Variants in DPH5 observed in about 807,000 individuals in gnomAD.
DPH5 encodes the protein diphthamide biosynthesis 5.
A neutral mutation model predicts 31.6 loss-of-function variants in DPH5; 31 were observed. The ratio of observed to expected loss-of-function variants is 0.98; its 90% CI spans 0.74 to 1.32. The LOEUF (loss-of-function observed/expected upper bound fraction) is 1.32. DPH5 is among the 40% of genes most tolerant of loss of function. DPH5 has a pLI of 0.00. For missense variants in DPH5, 309 were observed against 335.7 expected, an observed-to-expected ratio of 0.92 and a Z score of 0.62; for synonymous variants, 120 against 115.0, an observed-to-expected ratio of 1.04 and a Z score of -0.28.
intron 3 of DPH5, among the ~76,000 whole-genome samples, chr1:101,016,090 C>T (rs1003801845): frequency 3.3e-5 from 5 of 152,166 alleles, no homozygotes; most frequent in African/African-American, 9.6e-5. Flanking sequence ...TGCAGTGGCT[C>T]ACATCTGTAA....
intron 3 of DPH5, 130 bp downstream of exon 3, chr1:101,021,511 G>C: frequency 1.2e-6 from 1 of 828,730 alleles, no homozygotes; most frequent in Non-Finnish European, 1.8e-6. Flanking sequence ...TGACATTTTA[G>C]ATAGCGCTTA....
chr1:100,990,823 AAG>A (rs1344762746), intron 7 of DPH5, among the ~76,000 whole-genome samples, 192 bp from the exon 8 acceptor site: 1 of 152,256 alleles, frequency 6.6e-6, no homozygotes, highest in African/African-American at 2.4e-5. Flanking sequence ...CCTAATATAA[AAG>A]AGTACTTCCA....
At chr1:101,001,339 G>T (rs182828175) in intron 5 of DPH5, 128 bp downstream of exon 5, 25 of 846,440 alleles carry the variant, frequency 3.0e-5, no homozygotes, top group Non-Finnish European at 2.7e-5. Context: ...AGTGTGGTCT[G>T]CATAGAATGG....
At chr1:101,000,379 A>G (rs1658763863) in intron 5 of DPH5, among the ~76,000 whole-genome samples, 2 of 152,236 alleles carry the variant, frequency 1.3e-5, no homozygotes, top group Admixed American at 1.3e-4. Context: ...TGAAGTAACT[A>G]CAGGAGTAAG....
chr1:101,013,965 G>T, intron 3 of DPH5, 147 bp from the exon 4 acceptor site: 1 of 562,220 alleles, frequency 1.8e-6, no homozygotes, highest in Non-Finnish European at 3.0e-6. Context: ...GCTTTCATCT[G>T]AGCTTTTTAG....
chr1:101,021,585 T>C, intron 3 of DPH5, 56 bp downstream of exon 3: 1 of 1,558,190 alleles, frequency 6.4e-7, no homozygotes, highest in Non-Finnish European at 8.7e-7. Context: ...GAATAATTCT[T>C]ACTGATTAAA....
At chr1:100,999,131 G>T (rs1465179502) in intron 5 of DPH5, among the ~76,000 whole-genome samples, 2 of 152,216 alleles carry the variant, frequency 1.3e-5, no homozygotes, top group Non-Finnish European at 2.9e-5. Flanking sequence ...CCAATCATTA[G>T]TAAAAATGTA....
chr1:100,993,959 G>T (rs1396524095), intron 6 of DPH5, among the ~76,000 whole-genome samples: 1 of 151,830 alleles, frequency 6.6e-6, no homozygotes, highest in Non-Finnish European at 1.5e-5. Flanking sequence ...GGCCAGGCTG[G>T]TCTCGAACTG....
At chr1:100,992,075 G>A (rs547652472) in intron 7 of DPH5, among the ~76,000 whole-genome samples, 6 of 150,894 alleles carry the variant, frequency 4.0e-5, no homozygotes, top group Admixed American at 6.6e-5. Flanking sequence ...TCCAGCCTGC[G>A]TGACAAAGTG....
chr1:101,021,016 A>C (rs1234521917), intron 3 of DPH5, among the ~76,000 whole-genome samples: 1 of 152,192 alleles, frequency 6.6e-6, no homozygotes, highest in Admixed American at 6.5e-5. Context: ...AATCTGTGAT[A>C]TAAATCTTAG....
chr1:101,012,099 C>G (rs1421673926), intron 4 of DPH5, among the ~76,000 whole-genome samples: 1 of 151,852 alleles, frequency 6.6e-6, no homozygotes, highest in Admixed American at 6.6e-5. Flanking sequence ...CGGGGTTTCA[C>G]CATGTTGGCC....
chr1:101,023,636 T>C (rs574722226), intron 2 of DPH5, among the ~76,000 whole-genome samples: 4 of 152,228 alleles, frequency 2.6e-5, no homozygotes, highest in Non-Finnish European at 5.9e-5. Context: ...CACTTTCATA[T>C]ACATCATCTC....
Position 100,990,517 on chromosome 1 carries a change from T to C in DPH5, c.749A>G (p.His250Arg). 1 of 1,614,180 alleles carries C rather than the reference T, an allele frequency of 6.2e-7. No individual in the cohort carries two copies. Among genetic ancestry groups the C allele is most frequent in the Non-Finnish European group, 8.5e-7 (1 of 1,180,018 alleles). ...MCTVDLGEPL[H>R]SLIITGGSIH... ...GCTGCCTCCTGTGATGATCAAGGAATGCAATGGTTCTCCCAAGTCCACAGT... is the reference window on the plus strand; with the variant it reads ...GCTGCCTCCTGTGATGATCAAGGAACGCAATGGTTCTCCCAAGTCCACAGT... The change falls in exon 8 of 8, where the codon CAT (histidine) becomes CGT (arginine). Residue 250 changes from histidine (H) to arginine (R), a missense_variant. Physicochemically the swap from His to Arg is conservative, Grantham distance 29. Coordinates refer to ENST00000370109, the MANE Select transcript of DPH5 (RefSeq NM_015958.3).
At position 100,990,137 on chromosome 1, in the gene DPH5, C is replaced by T. The variant is rs372091015; in HGVS notation, c.*271G>A. ...AAGGCCTCAGGAAACTTAACAATCA[C>T]GGTGGAAGGCACCTCTTCACAGGGC... On this transcript the variant is annotated 3_prime_UTR_variant, in exon 8 of 8. Coordinates refer to ENST00000370109, the MANE Select transcript of DPH5 (RefSeq NM_015958.3). The T allele has an allele frequency of 9.7e-5, 41 of 421,246 alleles. No individual in the cohort carries two copies. The highest frequency in any genetic ancestry group is 5.4e-4 in the African/African-American group (27 of 49,736). The allele number at this position is 421,246 out of a possible 1,614,324, so 26.1% of individuals were successfully genotyped here. A position where few individuals can be genotyped will look rare whatever the true frequency, so the allele number is the denominator to read the frequency against.
intron 5 of DPH5, among the ~76,000 whole-genome samples, chr1:101,000,894 G>A (rs1658812889): frequency 6.6e-6 from 1 of 152,154 alleles, no homozygotes; most frequent in Non-Finnish European, 1.5e-5. Context: ...ATAGGATTTG[G>A]GGAAGAAGGT....
intron 2 of DPH5, chr1:101,025,052 T>G: frequency 2.3e-6 from 1 of 427,670 alleles, no homozygotes; most frequent in Non-Finnish European, 4.2e-6. Context: ...CCCCCAGGAG[T>G]ATAAAATAGC....
In DPH5 at chr1:101,021,861, CTT is replaced by C. The variant is rs1256548791; in HGVS notation, c.136-98_136-97del. The C allele has an allele frequency of 3.1e-4, 405 of 1,291,642 alleles. 1 individual carries two copies. The highest frequency in any genetic ancestry group is 3.1e-4 in the African/African-American group (21 of 66,900). The allele number at this position is 1,291,642 out of a possible 1,614,324, so 80.0% of individuals were successfully genotyped here. The stretch of plus-strand genomic sequence containing the variant: ...ACACACACACACACACACACACACT[CTT>C]TGTTTGGGACTGGTGCATATGTTGG... On this transcript the variant is annotated intron_variant, in intron 2 of 7. Transcript: ENST00000370109.
At chr1:101,016,191 A>T (rs2101268184) in intron 3 of DPH5, among the ~76,000 whole-genome samples, 1 of 152,054 alleles carries the variant, frequency 6.6e-6, no homozygotes, top group South Asian at 2.1e-4. Flanking sequence ...CGTCTCTACT[A>T]AAAATACAAA....
At chr1:101,000,748 G>C (rs1349995189) in intron 5 of DPH5, among the ~76,000 whole-genome samples, 1 of 152,132 alleles carries the variant, frequency 6.6e-6, no homozygotes, top group Non-Finnish European at 1.5e-5. Flanking sequence ...CTAGAATAGG[G>C]GCTGATTAGC....
Sources: allele counts gnomAD v4.1 joint callset (sites outside exome capture counted in the v4.1 genomes callset), GRCh38; gene constraint gnomAD v4.1.1; transcripts MANE v1.5; gene names NCBI Gene and HGNC (gene_info 2026-07-23, HGNC 2026-07-21).